The following CTNNA3 variants were observed in gnomAD, a reference collection of about 807,000 sequenced individuals.
CTNNA3 encodes the protein catenin alpha-3.
CTNNA3 carries 76 observed loss-of-function variants against 95.7 expected under a neutral mutation model. The observed-to-expected ratio is 0.79, with a 90% CI of 0.66 to 0.96. The LOEUF is 0.96. CTNNA3 is among the 40% of genes least tolerant of loss of function. The pLI, the probability that CTNNA3 is intolerant of heterozygous loss-of-function variation, is 0.00. For missense variants in CTNNA3, 1,191 were observed against 1,089.8 expected, an observed-to-expected ratio of 1.09 and a Z score of -1.31; for synonymous variants, 431 against 374.4, an observed-to-expected ratio of 1.15 and a Z score of -1.74.
chr10:66,073,433 C>G (rs1189119139), intron 14 of CTNNA3, among the ~76,000 whole-genome samples: 2 of 152,158 alleles, frequency 1.3e-5, no homozygotes, highest in Non-Finnish European at 2.9e-5. Flanking sequence ...TCCTGTTCTC[C>G]TTTCCAATAC....
chr10:66,534,494 A>G (rs867991207), intron 10 of CTNNA3, among the ~76,000 whole-genome samples: 7 of 53,402 alleles, frequency 1.3e-4, no homozygotes, highest in South Asian at 1.0e-3. Context: ...ATATATATAT[A>G]TATATATGTA....
At chr10:66,436,004 C>T (rs2093334777) in intron 11 of CTNNA3, among the ~76,000 whole-genome samples, 1 of 152,134 alleles carries the variant, frequency 6.6e-6, no homozygotes, top group African/African-American at 2.4e-5. Context: ...TTTCTTAATC[C>T]TGAGTTCTAA....
intron 13 of CTNNA3, among the ~76,000 whole-genome samples, chr10:66,263,257 A>G (rs572853320): frequency 6.6e-6 from 1 of 152,112 alleles, no homozygotes; most frequent in African/African-American, 2.4e-5. Flanking sequence ...ATTTTCAGAA[A>G]GTGCACAAGG....
chr10:67,483,827 A>T (rs1246380786), intron 5 of CTNNA3, among the ~76,000 whole-genome samples: 1 of 151,780 alleles, frequency 6.6e-6, no homozygotes, highest in Non-Finnish European at 1.5e-5. Flanking sequence ...AATCAGAGAC[A>T]ACACAAACAA....
intron 11 of CTNNA3, among the ~76,000 whole-genome samples, chr10:66,481,502 C>T (rs1350654074): frequency 1.1e-5 from 1 of 92,842 alleles, no homozygotes; most frequent in African/African-American, 5.6e-5. Context: ...GACGGAGTCT[C>T]GCTCTGTCGC....
intron 7 of CTNNA3, among the ~76,000 whole-genome samples, chr10:66,801,727 G>T (rs955464716): frequency 6.6e-6 from 1 of 151,394 alleles, no homozygotes; most frequent in South Asian, 2.1e-4. Context: ...AATCCAGCAG[G>T]CTTTTATTTC....
chr10:66,171,039 A>G (rs10740224), intron 13 of CTNNA3, among the ~76,000 whole-genome samples: 101,952 of 151,740 alleles, frequency 0.67, 35,500 homozygotes, highest in South Asian at 0.82. Flanking sequence ...AGGACAAGGC[A>G]CGAGAATCAC....
intron 9 of CTNNA3, among the ~76,000 whole-genome samples, chr10:66,750,885 A>T (rs1376040929): frequency 1.3e-5 from 2 of 152,204 alleles, no homozygotes; most frequent in East Asian, 3.8e-4. Context: ...AATATCTTTC[A>T]TCAGAGGTTT....
At position 66,603,358 on chromosome 10, in the gene CTNNA3, C is replaced by A. The variant is rs538995025; in HGVS notation, c.1374+18334G>T. Among the ~76,000 whole-genome samples the A allele has an allele frequency of 1.3e-4, 19 of 151,990 alleles. No individual in the cohort carries two copies. In the East Asian group the frequency reaches 3.5e-3, roughly 28 times the overall value. ...ATTTACAATAGCTAAAAATATATATCACACATAAGAATAAATTTAATGAAG... is the reference window on the plus strand; with the variant it reads ...ATTTACAATAGCTAAAAATATATATAACACATAAGAATAAATTTAATGAAG... On this transcript the variant is annotated intron_variant, in intron 10 of 17. Transcript: ENST00000433211.
intron 7 of CTNNA3, among the ~76,000 whole-genome samples, chr10:67,111,728 T>G (rs1186678443): frequency 6.6e-6 from 1 of 151,968 alleles, no homozygotes; most frequent in African/African-American, 2.4e-5. Flanking sequence ...ATATTCCCAT[T>G]TCTCTCCAGA....
intron 13 of CTNNA3, among the ~76,000 whole-genome samples, chr10:66,154,118 T>C (rs2084351199): frequency 1.3e-5 from 2 of 151,904 alleles, no homozygotes; most frequent in Admixed American, 1.3e-4. Flanking sequence ...CTGATGGTAG[T>C]AATTATTGTC....
chr10:67,216,992 A>C (rs942075259), intron 6 of CTNNA3, among the ~76,000 whole-genome samples: 2 of 152,192 alleles, frequency 1.3e-5, no homozygotes, highest in Non-Finnish European at 2.9e-5. Context: ...TAGTGTTCCA[A>C]TTCAACTTCT....
intron 1 of CTNNA3, among the ~76,000 whole-genome samples, chr10:67,666,560 A>G (rs922654250): frequency 6.6e-6 from 1 of 152,158 alleles, no homozygotes; most frequent in African/African-American, 2.4e-5. Context: ...GCAATCATCC[A>G]TATTTTAAAA....
At chr10:67,762,487 G>A (rs988849927) in intron 1 of CTNNA3, among the ~76,000 whole-genome samples, 1 of 151,502 alleles carries the variant, frequency 6.6e-6, no homozygotes, top group African/African-American at 2.4e-5. Context: ...ATTCTTTAAA[G>A]GGGAAGGGAA....
chr10:66,778,237 A>G (rs1840390778), intron 7 of CTNNA3, among the ~76,000 whole-genome samples: 1 of 152,058 alleles, frequency 6.6e-6, no homozygotes, highest in African/African-American at 2.4e-5. Context: ...ATCTAGATTT[A>G]TTTGGCTTCA....
At chr10:67,400,016 C>A (rs1292255370) in intron 5 of CTNNA3, among the ~76,000 whole-genome samples, 1 of 151,922 alleles carries the variant, frequency 6.6e-6, no homozygotes, top group Non-Finnish European at 1.5e-5. Flanking sequence ...TGTGCTGCAC[C>A]CATTAACTCA....
At chr10:67,543,885 T>A (rs1840758223) in intron 3 of CTNNA3, among the ~76,000 whole-genome samples, 1 of 152,144 alleles carries the variant, frequency 6.6e-6, no homozygotes, top group Non-Finnish European at 1.5e-5. Flanking sequence ...AATTATTTTA[T>A]TTGGCAGGGA....
chr10:67,017,530 C>A (rs1230888246), intron 7 of CTNNA3, among the ~76,000 whole-genome samples: 2 of 152,172 alleles, frequency 1.3e-5, no homozygotes, highest in East Asian at 3.9e-4. Flanking sequence ...CACAATCCAT[C>A]CTCTATGGTT....
At chr10:67,025,022 C>T (rs1015700448) in intron 7 of CTNNA3, among the ~76,000 whole-genome samples, 3 of 150,834 alleles carry the variant, frequency 2.0e-5, no homozygotes, top group African/African-American at 7.3e-5. Flanking sequence ...CTCAGCTACT[C>T]GGGAGGCTGA....
Sources: gnomAD v4.1 joint callset for allele counts (sites outside exome capture counted in the v4.1 genomes callset) on GRCh38, gnomAD v4.1.1 for gene constraint, MANE v1.5 for transcripts, NCBI Gene and HGNC (gene_info 2026-07-23, HGNC 2026-07-21) for gene names.